GAS7: variants seen among roughly 807,000 people sequenced by gnomAD.
GAS7 encodes growth arrest specific 7.
Under a neutral mutation model 71.1 loss-of-function variants are expected in GAS7, and 28 were observed. The observed-to-expected ratio is 0.39, with a 90% CI of 0.29 to 0.54. GAS7 has a LOEUF of 0.54. GAS7 is among the 20% of genes least tolerant of loss of function. GAS7 has a pLI of 0.62. For synonymous variants in GAS7, 258 were observed against 245.8 expected (o/e 1.05, Z -0.46); for missense variants, 436 against 627.8 (o/e 0.69, Z 3.27).
intron 1 of GAS7, among the ~76,000 whole-genome samples, chr17:10,121,648 G>A (rs2073905087): frequency 6.6e-6 from 1 of 152,166 alleles, no homozygotes; most frequent in South Asian, 2.1e-4. Flanking sequence ...AAATGCTCCT[G>A]AATCGACAGA....
In GAS7 at chr17:9,921,891, G is replaced by A. The variant is rs144321666; in HGVS notation, c.1139-2186C>T. On this transcript the variant is annotated intron_variant, in intron 11 of 13. Coordinates refer to ENST00000432992, the MANE Select transcript of GAS7 (RefSeq NM_201433.2). ...GGAGAATGGCATGAACCAGGGAGGC[G>A]GAGCTTGCAGTGAGCAGAGATCGCA... Among the ~76,000 whole-genome samples the A allele has an allele frequency of 1.1e-4, 16 of 150,858 alleles. No individual in the cohort carries two copies. The East Asian group carries it at 1.6e-3, about 15-fold the overall frequency.
intron 3 of GAS7, among the ~76,000 whole-genome samples, chr17:9,970,571 G>T (rs1032358465): frequency 2.6e-5 from 4 of 152,178 alleles, no homozygotes; most frequent in Non-Finnish European, 5.9e-5. Context: ...GGCAGAGGTT[G>T]CAGTGAGCTG....
chr17:10,116,918 G>A (rs2073866472), intron 1 of GAS7, among the ~76,000 whole-genome samples: 1 of 152,066 alleles, frequency 6.6e-6, no homozygotes, highest in African/African-American at 2.4e-5. Flanking sequence ...CAGAGCAAAG[G>A]GGTGGACCTG....
At chr17:10,129,912 G>A (rs1184342256) in intron 1 of GAS7, among the ~76,000 whole-genome samples, 9 of 152,166 alleles carry the variant, frequency 5.9e-5, no homozygotes, top group Admixed American at 2.6e-4. Flanking sequence ...GGTGGCTCAC[G>A]CCTGTAATCC....
chr17:10,088,577 C>T (rs947324283), intron 1 of GAS7, among the ~76,000 whole-genome samples: 1 of 152,124 alleles, frequency 6.6e-6, no homozygotes, highest in Non-Finnish European at 1.5e-5. Flanking sequence ...CATCTTTTTA[C>T]GAGGCTCAGC....
rs140677794 is a variant in GAS7 at position 9,990,637 on chromosome 17, GT to G, written c.305-8754del. 7.9e-3 allele frequency among the ~76,000 whole-genome samples: 1,205 copies of G among 152,330 alleles called. 15 individuals are homozygous for G. Among genetic ancestry groups the G allele is most frequent in the African/African-American group, 0.027 (1,131 of 41,566 alleles). On this transcript the variant is annotated intron_variant, in intron 2 of 13. Transcript: ENST00000432992. ...AATGAAGGGAACATAAAATAAAAATGTTCTGAGGCAGAAGCATGTCCTTCAT... is the reference window on the plus strand; with the variant it reads ...AATGAAGGGAACATAAAATAAAAATGTCTGAGGCAGAAGCATGTCCTTCAT...
At chr17:10,119,612 T>G (rs920277923) in intron 1 of GAS7, among the ~76,000 whole-genome samples, 3 of 152,188 alleles carry the variant, frequency 2.0e-5, no homozygotes, top group African/African-American at 7.2e-5. Flanking sequence ...CCTGAGTTAG[T>G]TAGAACTGCT....
chr17:10,004,216 C>A (rs964076672), intron 2 of GAS7, among the ~76,000 whole-genome samples: 1 of 152,192 alleles, frequency 6.6e-6, no homozygotes, highest in Non-Finnish European at 1.5e-5. Context: ...GCATTGTGTT[C>A]GCCCACACCA....
At chr17:10,184,696 AT>A (rs1449965986) in intron 1 of GAS7, among the ~76,000 whole-genome samples, 1 of 152,268 alleles carries the variant, frequency 6.6e-6, no homozygotes. Context: ...AACCCTTGGA[AT>A]TTCCTGATAG....
chr17:10,008,839 T>C (rs377562156), intron 2 of GAS7, among the ~76,000 whole-genome samples: 2 of 152,016 alleles, frequency 1.3e-5, no homozygotes, highest in African/African-American at 4.8e-5. Flanking sequence ...ATCAACCAAA[T>C]GTACCACATG....
At chr17:9,987,152 C>T in intron 2 of GAS7, among the ~76,000 whole-genome samples, 1 of 152,244 alleles carries the variant, frequency 6.6e-6, no homozygotes, top group East Asian at 1.9e-4. Context: ...ACGTCCATCC[C>T]TGTGGTCTTA....
intron 1 of GAS7, among the ~76,000 whole-genome samples, chr17:10,078,720 G>C (rs548167880): frequency 6.6e-6 from 1 of 152,122 alleles, no homozygotes; most frequent in Admixed American, 6.6e-5. Flanking sequence ...TGTAAAATTG[G>C]TAGGTAGGGG....
In GAS7 at chr17:10,014,812, TAGC is replaced by T. The variant is rs1388344803; in HGVS notation, c.304+4962_304+4964del. On this transcript the variant is annotated intron_variant, in intron 2 of 13. Transcript: ENST00000432992. ...GATCCCCAGAGCCCGGCTCAGTGGC[TAGC>T]ACAGTGACAACCTCATCCATAAAAT... 3.3e-5 allele frequency among the ~76,000 whole-genome samples: 5 copies of T among 152,262 alleles called. No homozygotes were observed. The East Asian group carries it at 7.7e-4, about 24-fold the overall frequency.
At chr17:9,939,310 G>A (rs1030190646) in intron 8 of GAS7, among the ~76,000 whole-genome samples, 1 of 152,160 alleles carries the variant, frequency 6.6e-6, no homozygotes, top group Non-Finnish European at 1.5e-5. Context: ...TTCTGTGGCT[G>A]GGAGGGTTGG....
At chr17:10,138,208 G>A (rs986744785) in intron 1 of GAS7, among the ~76,000 whole-genome samples, 5 of 151,522 alleles carry the variant, frequency 3.3e-5, no homozygotes, top group Non-Finnish European at 5.9e-5. Flanking sequence ...CTCGTGATCC[G>A]CCCGCCTCGG....
intron 1 of GAS7, among the ~76,000 whole-genome samples, chr17:10,054,627 G>A (rs1241685380): frequency 6.6e-6 from 1 of 152,176 alleles, no homozygotes; most frequent in African/African-American, 2.4e-5. Flanking sequence ...GCCTTTATAA[G>A]CAGTCGTTTG....
At chr17:10,017,339 T>C (rs1280169042) in intron 2 of GAS7, among the ~76,000 whole-genome samples, 2 of 151,122 alleles carry the variant, frequency 1.3e-5, no homozygotes, top group Admixed American at 6.6e-5. Flanking sequence ...TTTTTTTTTT[T>C]CCTTGAGACA....
intron 1 of GAS7, among the ~76,000 whole-genome samples, chr17:10,098,775 C>T (rs146115357): frequency 0.031 from 4,728 of 152,160 alleles, 231 homozygotes; most frequent in African/African-American, 0.11. Context: ...CTGGCTAACA[C>T]GGTGAAGCCC....
At chr17:10,150,318 T>G (rs1439061698) in intron 1 of GAS7, among the ~76,000 whole-genome samples, 1 of 152,030 alleles carries the variant, frequency 6.6e-6, no homozygotes, top group African/African-American at 2.4e-5. Context: ...ACTTCAACTT[T>G]CCGTTTTCCT....
Sources: gnomAD v4.1 joint callset for allele counts (sites outside exome capture counted in the v4.1 genomes callset) on GRCh38, gnomAD v4.1.1 for gene constraint, MANE v1.5 for transcripts, NCBI Gene and HGNC (gene_info 2026-07-23, HGNC 2026-07-21) for gene names.